Variants in EML5 observed in about 807,000 individuals in gnomAD.
EML5 encodes EMAP like 5.
EML5 carries 120 observed loss-of-function variants against 250.0 expected under a neutral mutation model. That is an observed-to-expected ratio of 0.48 (90% CI 0.41 to 0.56). The LOEUF (loss-of-function observed/expected upper bound fraction) is 0.56. Among genes scored for constraint, EML5 ranks in the 20% least tolerant of loss-of-function variants. The pLI is 0.00. For missense variants in EML5, 2,006 were observed against 2,437.6 expected (o/e 0.82, Z 3.73); for synonymous variants, 771 against 806.5 (o/e 0.96, Z 0.75).
At chr14:88,721,963 G>A (rs754367440) in intron 8 of EML5, among the ~76,000 whole-genome samples, 5 of 152,072 alleles carry the variant, frequency 3.3e-5, no homozygotes, top group South Asian at 2.1e-4. Flanking sequence ...GGACATGAGC[G>A]GACACTTTTT....
At position 88,625,044 on chromosome 14, in the gene EML5, A is replaced by G; in HGVS notation, c.4824T>C (p.Ala1608=). ...ACATGGCAAACACAGGCCCGTTGTGAGCTCTCGCCACGATTCTACACAATA... is the reference window on the plus strand; with the variant it reads ...ACATGGCAAACACAGGCCCGTTGTGGGCTCTCGCCACGATTCTACACAATA... ...DHILCRIVAR[A]HNGPVFAMYT... The change falls in exon 36 of 44, where the codon GCT becomes GCC. Residue 1608 remains alanine (A), a synonymous_variant. Coordinates refer to ENST00000554922, the MANE Select transcript of EML5 (RefSeq NM_183387.3). 6.2e-7 allele frequency: 1 copy of G among 1,613,276 alleles called. No homozygotes were observed. The highest frequency in any genetic ancestry group is 8.5e-7 in the Non-Finnish European group (1 of 1,179,652).
In EML5 at chr14:88,615,830, A is replaced by G; in HGVS notation, c.5922T>C (p.His1974=). The G allele has an allele frequency of 6.2e-7, 1 of 1,612,094 alleles. No individual in the cohort carries two copies. Among genetic ancestry groups the G allele is most frequent in the African/African-American group, 1.3e-5 (1 of 75,052 alleles). ...DCSLFVWKCV[H]TPH ...ATCTCAGCATCTCTCAGTGAGGTGTATGTACACATTTCCAGACAAATAAGC... is the reference window on the plus strand; with the variant it reads ...ATCTCAGCATCTCTCAGTGAGGTGTGTGTACACATTTCCAGACAAATAAGC... Residue 1974 remains histidine, a synonymous_variant, in exon 44 of 44, where the codon CAT becomes CAC. Coordinates refer to ENST00000554922, the MANE Select transcript of EML5 (RefSeq NM_183387.3).
At chr14:88,671,000 G>A (rs2092448789) in intron 21 of EML5, among the ~76,000 whole-genome samples, 1 of 152,144 alleles carries the variant, frequency 6.6e-6, no homozygotes, top group Non-Finnish European at 1.5e-5. Flanking sequence ...ATATCATCCA[G>A]GAGAACTTCC....
Position 88,627,839 on chromosome 14 carries a change from A to G in EML5, c.4358-20T>C. ...CTGTAGCTAAATAAAGATAGTATCA[A>G]AAAGTTGTAATCTACCTGTTATAAA... is the stretch of plus-strand genomic sequence containing the variant. On this transcript the variant is annotated intron_variant, in intron 33 of 43. Coordinates refer to ENST00000554922, the MANE Select transcript of EML5 (RefSeq NM_183387.3). 6.4e-7 allele frequency: 1 copy of G among 1,550,640 alleles called. No homozygotes were observed. Among genetic ancestry groups the G allele is most frequent in the South Asian group, 1.2e-5 (1 of 83,908 alleles).
chr14:88,709,377 G>A (rs1034976048), intron 10 of EML5, among the ~76,000 whole-genome samples: 1 of 149,526 alleles, frequency 6.7e-6, no homozygotes, highest in Admixed American at 6.6e-5. Flanking sequence ...TGTATTATTA[G>A]AGTATATAAA....
intron 21 of EML5, among the ~76,000 whole-genome samples, chr14:88,669,960 A>C (rs531543428): frequency 3.9e-5 from 6 of 152,108 alleles, no homozygotes; most frequent in Non-Finnish European, 8.8e-5. Context: ...ACCCAGGCAA[A>C]GAAGGTCTGG....
At chr14:88,705,930 T>C in intron 11 of EML5, 1 of 539,242 alleles carries the variant, frequency 1.9e-6, no homozygotes, top group South Asian at 1.7e-5. Flanking sequence ...GAATTGACAT[T>C]AGATAATTTT....
intron 14 of EML5, among the ~76,000 whole-genome samples, chr14:88,697,796 C>T (rs778423580): frequency 2.5e-4 from 38 of 152,098 alleles, no homozygotes; most frequent in Non-Finnish European, 3.4e-4. Context: ...AGTGCAATGG[C>T]GCTATCTCGG....
chr14:88,726,567 A>G lies in EML5; in HGVS notation c.1161T>C (p.Asp387=), dbSNP rs1172943611. Reference sequence around the variant, plus strand: ...TTACTCTAAGTACAGTGAATGAGCCATCCTTCATTCCAAGGGCAAGATGGA... The same window carrying G: ...TTACTCTAAGTACAGTGAATGAGCCGTCCTTCATTCCAAGGGCAAGATGGA... The part of the protein sequence containing the change: ...DGIHLALGMK[D]GSFTVLRVRD... Residue 387 remains aspartate (D), a synonymous_variant, in exon 8 of 44, where the codon GAT becomes GAC. Coordinates refer to ENST00000554922, the MANE Select transcript of EML5 (RefSeq NM_183387.3). 3.7e-6 allele frequency: 6 copies of G among 1,605,838 alleles called. No homozygotes were observed. The South Asian group carries it at 6.7e-5, about 18-fold the overall frequency.
chr14:88,778,571 G>T (rs1219790547), intron 1 of EML5, among the ~76,000 whole-genome samples: 1 of 152,228 alleles, frequency 6.6e-6, no homozygotes, highest in Non-Finnish European at 1.5e-5. Flanking sequence ...ACGAGGTCAG[G>T]AGATCCAGGC....
At chr14:88,661,466 C>T (rs941090436) in intron 25 of EML5, among the ~76,000 whole-genome samples, 188 bp downstream of exon 25, 7 of 152,244 alleles carry the variant, frequency 4.6e-5, no homozygotes, top group Admixed American at 2.6e-4. Flanking sequence ...TGATATATAA[C>T]TTAATGTATG....
chr14:88,710,200 GA>G (rs1404061144), intron 10 of EML5, among the ~76,000 whole-genome samples: 2 of 151,758 alleles, frequency 1.3e-5, no homozygotes, highest in East Asian at 3.9e-4. Context: ...TGATAATGAA[GA>G]AAAAAATATG....
At chr14:88,760,499 C>G (rs1595806598) in intron 1 of EML5, among the ~76,000 whole-genome samples, 1 of 152,090 alleles carries the variant, frequency 6.6e-6, no homozygotes, top group Non-Finnish European at 1.5e-5. Flanking sequence ...AAATTGCACC[C>G]TGTATTTTAC....
Position 88,642,887 on chromosome 14 carries a change from T to C in EML5, c.4237+6A>G, listed in dbSNP as rs2091147929. 1.3e-6 allele frequency: 2 copies of C among 1,597,360 alleles called. No individual in the cohort carries two copies. Among genetic ancestry groups the C allele is most frequent in the Non-Finnish European group, 1.7e-6 (2 of 1,174,968 alleles). On this transcript the variant is annotated splice_donor_region_variant and intron_variant, in intron 31 of 43. Coordinates refer to ENST00000554922, the MANE Select transcript of EML5 (RefSeq NM_183387.3). The stretch of plus-strand genomic sequence containing the variant: ...GATAGAGGGATGGAGAATCAGGGTT[T>C]CCTACCTGTAGCAACATTGTGCAGA...
intron 21 of EML5, among the ~76,000 whole-genome samples, chr14:88,667,362 TAAAAG>T (rs2092335073): frequency 6.6e-6 from 1 of 152,216 alleles, no homozygotes; most frequent in Non-Finnish European, 1.5e-5. Flanking sequence ...TTCCTTGTGT[TAAAAG>T]AATATAAGAC....
intron 1 of EML5, among the ~76,000 whole-genome samples, chr14:88,759,088 A>T (rs1381868653): frequency 2.6e-5 from 4 of 152,250 alleles, no homozygotes; most frequent in African/African-American, 9.6e-5. Context: ...ATGGTTGAAA[A>T]ACTTTGACTA....
At chr14:88,708,351 A>C (rs2093351886) in intron 10 of EML5, among the ~76,000 whole-genome samples, 1 of 152,252 alleles carries the variant, frequency 6.6e-6, no homozygotes, top group South Asian at 2.1e-4. Flanking sequence ...ATATTTATAT[A>C]ACACTGAAAT....
chr14:88,667,910 G>A (rs1194619468), intron 21 of EML5, among the ~76,000 whole-genome samples: 3 of 152,200 alleles, frequency 2.0e-5, no homozygotes, highest in Non-Finnish European at 4.4e-5. Flanking sequence ...TTCAAGCAGT[G>A]GTTCTGACCA....
chr14:88,659,504 G>A (rs1314814796), intron 25 of EML5, among the ~76,000 whole-genome samples: 1 of 152,146 alleles, frequency 6.6e-6, no homozygotes, highest in South Asian at 2.1e-4. Context: ...AAGCCACTGC[G>A]CCCAGCAGGA....
Sources: gnomAD v4.1 joint callset for allele counts (sites outside exome capture counted in the v4.1 genomes callset) on GRCh38, gnomAD v4.1.1 for gene constraint, MANE v1.5 for transcripts, NCBI Gene and HGNC (gene_info 2026-07-23, HGNC 2026-07-21) for gene names.